The following STK3 variants were observed in gnomAD, a reference collection of about 807,000 sequenced individuals.
STK3 encodes serine/threonine kinase 3.
STK3 carries 41 observed loss-of-function variants against 58.0 expected under a neutral mutation model. The observed-to-expected ratio is 0.71, with a 90% CI of 0.55 to 0.92. The LOEUF (loss-of-function observed/expected upper bound fraction) is 0.92. Among genes scored for constraint, STK3 ranks in the 40% least tolerant of loss-of-function variants. The pLI is 0.00. For synonymous variants in STK3, 170 were observed against 191.0 expected, an observed-to-expected ratio of 0.89 and a Z score of 0.91; for missense variants, 479 against 602.7, an observed-to-expected ratio of 0.79 and a Z score of 2.15.
intron 10 of STK3, among the ~76,000 whole-genome samples, chr8:98,511,682 T>C (rs1174099374): frequency 6.6e-6 from 1 of 152,118 alleles, no homozygotes; most frequent in Non-Finnish European, 1.5e-5. Context: ...CACTTTCTCC[T>C]GGAAATGTAT....
intron 6 of STK3, among the ~76,000 whole-genome samples, chr8:98,632,498 G>C (rs2130521791): frequency 6.6e-6 from 1 of 152,282 alleles, no homozygotes; most frequent in East Asian, 1.9e-4. Context: ...TGGAGAGAAA[G>C]ACTGCATTAC....
chr8:98,633,838 C>A, intron 6 of STK3: 1 of 438,706 alleles, frequency 2.3e-6, no homozygotes, highest in South Asian at 3.0e-5. Context: ...TTTGAAGATC[C>A]CAAACTTGAA....
At chr8:98,923,291 T>C (rs2132015144) in intron 1 of STK3, among the ~76,000 whole-genome samples, 1 of 152,336 alleles carries the variant, frequency 6.6e-6, no homozygotes, top group East Asian at 1.9e-4. Flanking sequence ...ATAAAGTTTC[T>C]TTTTTCCTTT....
intron 10 of STK3, among the ~76,000 whole-genome samples, chr8:98,489,155 C>A (rs1249490539): frequency 6.6e-6 from 1 of 151,912 alleles, no homozygotes; most frequent in Non-Finnish European, 1.5e-5. Flanking sequence ...TTGCACATAT[C>A]TATTTCCTTA....
In STK3 at chr8:98,837,338, A is replaced by G. The variant is rs78629603; in HGVS notation, c.110+46309T>C. On this transcript the variant is annotated intron_variant, in intron 3 of 12. Coordinates refer to the STK3 transcript ENST00000523601. ...ATCATTCAGAAAAGTGCTGTAGTTC[A>G]GGCTGATAACAGGCTGGAGCTCAGC... Among the ~76,000 whole-genome samples the G allele has an allele frequency of 1.1e-3, 158 of 150,302 alleles. 1 individual carries two copies. In the East Asian group the frequency reaches 0.03, roughly 28 times the overall value.
downstream of STK3, among the ~76,000 whole-genome samples, chr8:98,399,937 A>G (rs1384508018): frequency 6.6e-6 from 1 of 152,218 alleles, no homozygotes; most frequent in Admixed American, 6.5e-5. Flanking sequence ...GCAAACTTGT[A>G]TCACCACTCC....
Position 98,767,389 on chromosome 8 carries a change from A to G in STK3, c.108-18T>C. On this transcript the variant is annotated intron_variant, in intron 2 of 10. Coordinates refer to ENST00000419617, the MANE Select transcript of STK3 (RefSeq NM_006281.4). ...CATAAGACCTAAAAGAAACCAAGAC[A>G]TTATTTTTTTCCTATCAAACATCGT... 1 of 1,571,282 alleles carries G rather than the reference A, an allele frequency of 6.4e-7. No homozygotes were observed. Among genetic ancestry groups the G allele is most frequent in the Non-Finnish European group, 8.6e-7 (1 of 1,167,140 alleles).
intron 1 of STK3, among the ~76,000 whole-genome samples, chr8:98,441,655 A>C (rs927311151): frequency 2.0e-5 from 3 of 152,196 alleles, no homozygotes; most frequent in African/African-American, 7.2e-5. Flanking sequence ...ATGCTCACTT[A>C]TTTATTGAGC....
chr8:98,804,128 A>G (rs924045645), intron 1 of STK3, among the ~76,000 whole-genome samples: 10 of 151,968 alleles, frequency 6.6e-5, no homozygotes, highest in African/African-American at 2.4e-4. Flanking sequence ...CAGCCTCCCA[A>G]GTAGCTGGGA....
Position 98,751,500 on chromosome 8 carries a change from T to C in STK3, c.237-2110A>G, listed in dbSNP as rs1040971376. Among the ~76,000 whole-genome samples the C allele has an allele frequency of 3.3e-5, 5 of 152,094 alleles. No individual in the cohort carries two copies. The East Asian group carries it at 9.6e-4, about 29-fold the overall frequency. On this transcript the variant is annotated intron_variant, in intron 3 of 10. Coordinates refer to ENST00000419617, the MANE Select transcript of STK3 (RefSeq NM_006281.4). Reference sequence around the variant, plus strand: ...AGCCAAATCGGGAACTAACTCCCATTCACAACTGCCACAAAAAGAATAAAC... The same window carrying C: ...AGCCAAATCGGGAACTAACTCCCATCCACAACTGCCACAAAAAGAATAAAC...
At chr8:98,745,313 G>A (rs1050407835) in intron 4 of STK3, among the ~76,000 whole-genome samples, 4 of 152,172 alleles carry the variant, frequency 2.6e-5, no homozygotes, top group Non-Finnish European at 4.4e-5. Context: ...GGATTTGTCA[G>A]TGTCTTTCTT....
At chr8:98,357,966 C>T in the STK3 span, among the ~76,000 whole-genome samples, 1 of 152,174 alleles carries the variant, frequency 6.6e-6, no homozygotes, top group East Asian at 1.9e-4. Flanking sequence ...GACCCATGCC[C>T]AGGGTCCTCT....
At chr8:98,479,487 G>GGC (rs1491099091) in intron 10 of STK3, among the ~76,000 whole-genome samples, 2 of 8,686 alleles carry the variant, frequency 2.3e-4, no homozygotes, top group African/African-American at 6.6e-4. Context: ...ACTCCGTCTC[G>GGC]GGGGGGGGGG....
chr8:98,399,728 C>T (rs905986098), downstream of STK3, among the ~76,000 whole-genome samples: 2 of 152,182 alleles, frequency 1.3e-5, no homozygotes, highest in African/African-American at 4.8e-5. Context: ...CGATCTACTG[C>T]CCTCCATCTC....
upstream of STK3, among the ~76,000 whole-genome samples, chr8:98,388,757 TAA>T (rs1414837553): frequency 2.6e-5 from 4 of 152,358 alleles, no homozygotes; most frequent in South Asian, 6.2e-4. Flanking sequence ...CAAAAAATTT[TAA>T]AAGACTAGAT....
At chr8:98,679,274 G>C (rs1162046404) in intron 6 of STK3, among the ~76,000 whole-genome samples, 1 of 152,052 alleles carries the variant, frequency 6.6e-6, no homozygotes, top group African/African-American at 2.4e-5. Context: ...CTATGATCTG[G>C]ACCAGGAATC....
intron 6 of STK3, among the ~76,000 whole-genome samples, chr8:98,649,652 T>G (rs1820716984): frequency 1.3e-5 from 2 of 152,208 alleles, no homozygotes; most frequent in African/African-American, 4.8e-5. Context: ...TTTTAATATC[T>G]GGTAAAGCTA....
intron 6 of STK3, among the ~76,000 whole-genome samples, chr8:98,607,806 G>C (rs1399170639): frequency 6.6e-6 from 1 of 152,164 alleles, no homozygotes; most frequent in African/African-American, 2.4e-5. Flanking sequence ...TGGAAACACA[G>C]ATGGTTTTTG....
rs75948342 is a variant in STK3 at position 98,434,298 on chromosome 8, C to T, written n.312G>A. On this transcript the variant is annotated non_coding_transcript_exon_variant, in exon 3 of 4. Transcript: ENST00000517832. ...CCATCAAGTGGGGTGTAGCTCAGCT[C>T]CTCCCCTTTAGCCACCATCCCTGCA... 1,327 of 152,404 alleles carry T rather than the reference C, an allele frequency of 8.7e-3. 7 individuals carry two copies. Among genetic ancestry groups the T allele is most frequent in the Non-Finnish European group, 0.014 (937 of 68,106 alleles). The allele number at this position is 152,404 out of a possible 1,614,324, so 9.4% of individuals were successfully genotyped here.
Sources: allele counts gnomAD v4.1 joint callset (sites outside exome capture counted in the v4.1 genomes callset), GRCh38; gene constraint gnomAD v4.1.1; transcripts MANE v1.5; gene names NCBI Gene and HGNC (gene_info 2026-07-23, HGNC 2026-07-21).